The following ATG16L1 variants were observed in gnomAD, a reference collection of about 807,000 sequenced individuals.
The protein encoded by ATG16L1 is autophagy-related protein 16-1.
A neutral mutation model predicts 88.5 loss-of-function variants in ATG16L1; 37 were observed. That is an observed-to-expected ratio of 0.42 (90% CI 0.32 to 0.55). The LOEUF (loss-of-function observed/expected upper bound fraction) is 0.55, where lower values mean the gene tolerates loss of function less well. ATG16L1 is among the 20% of genes least tolerant of loss of function. The probability of loss-of-function intolerance (pLI) is 0.13; values close to 1 mark genes in which losing one functional copy is unlikely to be tolerated. For missense variants in ATG16L1, 554 were observed against 752.8 expected, an observed-to-expected ratio of 0.74 and a Z score of 3.09; for synonymous variants, 301 against 281.0, an observed-to-expected ratio of 1.07 and a Z score of -0.71.
intron 12 of ATG16L1, among the ~76,000 whole-genome samples, chr2:233,285,570 T>G (rs1574895111): frequency 6.6e-6 from 1 of 152,210 alleles, no homozygotes; most frequent in African/African-American, 2.4e-5. Flanking sequence ...CTAGTTGGCT[T>G]TTGAGTTTCT....
chr2:233,271,807 AT>A (rs1377261729), intron 6 of ATG16L1, among the ~76,000 whole-genome samples: 2 of 152,314 alleles, frequency 1.3e-5, no homozygotes, highest in Non-Finnish European at 2.9e-5. Context: ...TCTTCCTTGT[AT>A]GGGCACAGGT....
chr2:233,294,063 A>G (rs1412935712), intron 17 of ATG16L1, among the ~76,000 whole-genome samples, 194 bp from the exon 18 acceptor site: 1 of 152,196 alleles, frequency 6.6e-6, no homozygotes, highest in African/African-American at 2.4e-5. Flanking sequence ...TTAATTAAGT[A>G]CACCACTGGA....
At chr2:233,262,391 G>A (rs2125219119) in intron 2 of ATG16L1, among the ~76,000 whole-genome samples, 1 of 152,286 alleles carries the variant, frequency 6.6e-6, no homozygotes, top group African/African-American at 2.4e-5. Flanking sequence ...CCCTCCAGCA[G>A]CTTCCCTTCA....
intron 14 of ATG16L1, 67 bp from the exon 15 acceptor site, chr2:233,292,061 C>T: frequency 6.4e-7 from 1 of 1,553,038 alleles, no homozygotes; most frequent in Non-Finnish European, 8.7e-7. Context: ...CCTTTTTTTT[C>T]CTCCACGGCA....
intron 11 of ATG16L1, 120 bp downstream of exon 11, chr2:233,281,295 C>A: frequency 1.3e-6 from 1 of 741,598 alleles, no homozygotes; most frequent in South Asian, 2.1e-5. Flanking sequence ...TAAGCCAAAT[C>A]CATGTTAAAG....
chr2:233,292,088 T>G (rs746185790), intron 14 of ATG16L1, 40 bp from the exon 15 acceptor site: 1 of 1,605,474 alleles, frequency 6.2e-7, no homozygotes, highest in East Asian at 2.2e-5. Context: ...GAAGTAGTTC[T>G]GGCCTACGTT....
chr2:233,256,631 G>GT (rs912311745), intron 2 of ATG16L1, among the ~76,000 whole-genome samples: 4 of 150,214 alleles, frequency 2.7e-5, no homozygotes, highest in Non-Finnish European at 4.4e-5. Context: ...TTAGGTTGGT[G>GT]TTTTTTTCAA....
intron 12 of ATG16L1, chr2:233,288,830 G>T (rs751910355): frequency 6.2e-5 from 32 of 519,174 alleles, no homozygotes; most frequent in South Asian, 4.2e-4. Context: ...GTGTTCCTCC[G>T]TGAGCTCAGG....
chr2:233,288,406 C>T (rs1699224188), intron 12 of ATG16L1, among the ~76,000 whole-genome samples: 1 of 152,096 alleles, frequency 6.6e-6, no homozygotes, highest in African/African-American at 2.4e-5. Context: ...CTCAGCCTCC[C>T]CTGTAACAGC....
At chr2:233,257,090 C>T (rs916003202) in intron 2 of ATG16L1, among the ~76,000 whole-genome samples, 9 of 150,032 alleles carry the variant, frequency 6.0e-5, no homozygotes, top group Non-Finnish European at 8.9e-5. Context: ...AGTGCAGTGG[C>T]GCGTTCTGGG....
intron 2 of ATG16L1, among the ~76,000 whole-genome samples, chr2:233,258,362 G>A (rs1042024372): frequency 6.6e-6 from 1 of 152,168 alleles, no homozygotes; most frequent in Non-Finnish European, 1.5e-5. Flanking sequence ...CATCTGGCAC[G>A]ATGGTCTCCT....
intron 12 of ATG16L1, among the ~76,000 whole-genome samples, chr2:233,285,828 C>G (rs1474185315): frequency 3.3e-5 from 5 of 152,112 alleles, no homozygotes; most frequent in Non-Finnish European, 1.5e-5. Context: ...TTCGGTGTCT[C>G]CTTTGCTCTT....
intron 2 of ATG16L1, among the ~76,000 whole-genome samples, chr2:233,256,681 ATTTTTC>A (rs932230414): frequency 6.8e-6 from 1 of 147,644 alleles, no homozygotes; most frequent in African/African-American, 2.5e-5. Context: ...TCGACTTATA[ATTTTTC>A]TTTTTCTTTT....
chr2:233,280,968 G>GT, intron 10 of ATG16L1, 137 bp from the exon 11 acceptor site: 1 of 557,376 alleles, frequency 1.8e-6, no homozygotes, highest in Admixed American at 3.7e-5. Flanking sequence ...CTGCTATTTT[G>GT]TTTGATTCTG....
intron 9 of ATG16L1, 136 bp from the exon 10 acceptor site, chr2:233,277,432 C>A: frequency 1.4e-6 from 1 of 695,098 alleles, no homozygotes; most frequent in Non-Finnish European, 2.5e-6. Flanking sequence ...GCTAGGAGTC[C>A]AGTTTAGTTT....
chr2:233,289,816 C>T (rs374043156), intron 12 of ATG16L1, 38 bp from the exon 13 acceptor site: 29 of 1,602,990 alleles, frequency 1.8e-5, no homozygotes, highest in African/African-American at 1.1e-4. Flanking sequence ...CAGGGCCTGG[C>T]GCCCTGAGGC....
chr2:233,290,334 A>T lies in ATG16L1; in HGVS notation c.1411A>T (p.Ile471Phe). Reference protein sequence around the residue: ...CVMSGHFDKKIRFWDIRSESI... With the variant: ...CVMSGHFDKKFRFWDIRSESI... Reference sequence around the variant, plus strand: ...AATGAGTGGACATTTTGACAAGAAAATTCGTTTCTGGGACATTCGGTATGA... The same window carrying T: ...AATGAGTGGACATTTTGACAAGAAATTTCGTTTCTGGGACATTCGGTATGA... Residue 471 changes from isoleucine (I) to phenylalanine (F), a missense_variant, in exon 14 of 18, where the codon ATT becomes TTT. By Grantham distance (21) the Ile-to-Phe change is conservative. This residue lies in a region of ATG16L1 where 370 missense variants were observed against 509.7 expected (regional missense o/e 0.73). Transcript: ENST00000392017. 1 of 1,614,178 alleles carries T rather than the reference A, an allele frequency of 6.2e-7. No individual in the cohort carries two copies. Among genetic ancestry groups the T allele is most frequent in the Non-Finnish European group, 8.5e-7 (1 of 1,180,016 alleles).
chr2:233,266,511 A>T (rs1284996679), intron 5 of ATG16L1, among the ~76,000 whole-genome samples: 4 of 152,214 alleles, frequency 2.6e-5, no homozygotes, highest in African/African-American at 4.8e-5. Context: ...TTAAATCCCC[A>T]TATCAGTAGT....
intron 4 of ATG16L1, 60 bp downstream of exon 4, chr2:233,264,125 C>T: frequency 2.5e-6 from 4 of 1,578,922 alleles, no homozygotes; most frequent in Non-Finnish European, 3.5e-6. Context: ...CTTTGTTCTG[C>T]TGACCTCTTG....
Sources: gnomAD v4.1 joint callset for allele counts (sites outside exome capture counted in the v4.1 genomes callset) on GRCh38, gnomAD v4.1.1 for gene constraint, gnomAD v4.1.1 regional missense constraint, MANE v1.5 for transcripts, NCBI Gene and HGNC (gene_info 2026-07-23, HGNC 2026-07-21) for gene names.